CASC3: variants seen among roughly 807,000 people sequenced by gnomAD.
The protein encoded by CASC3 is protein CASC3.
A neutral mutation model predicts 80.5 loss-of-function variants in CASC3; 30 were observed. That is an observed-to-expected ratio of 0.37 (90% CI 0.28 to 0.51). The LOEUF is 0.51. Ranked by LOEUF, CASC3 falls within the 20% of genes least tolerant of loss-of-function variation. The probability of loss-of-function intolerance (pLI) is 0.94; values close to 1 mark genes in which losing one functional copy is unlikely to be tolerated. For missense variants in CASC3, 824 were observed against 922.2 expected, an observed-to-expected ratio of 0.89 and a Z score of 1.38; for synonymous variants, 312 against 333.6, an observed-to-expected ratio of 0.94 and a Z score of 0.70.
intron 8 of CASC3, chr17:40,167,196 T>A (rs747981865): frequency 9.8e-6 from 5 of 508,300 alleles, no homozygotes; most frequent in Non-Finnish European, 1.7e-5. Flanking sequence ...CCTGACCTCA[T>A]GATCCACCCA....
At position 40,171,603 on chromosome 17, in the gene CASC3, T is replaced by C. The variant is rs921217963; in HGVS notation, c.*1198T>C. The C allele has an allele frequency of 2.0e-6, 2 of 992,078 alleles. No homozygotes were observed. Among genetic ancestry groups the C allele is most frequent in the Non-Finnish European group, 2.4e-6 (2 of 833,626 alleles). 61.5% of individuals were successfully genotyped at this position (992,078 alleles called of 1,614,324 possible). On this transcript the variant is annotated 3_prime_UTR_variant, in exon 14 of 14. Coordinates refer to ENST00000264645, the MANE Select transcript of CASC3 (RefSeq NM_007359.5). The stretch of plus-strand genomic sequence containing the variant: ...TGGGCTTAAGGCCTAAGGAAGCCAG[T>C]CACCTTCTGGGCAAGGGCTCCTATC...
In CASC3 at chr17:40,140,602, T is replaced by C; in HGVS notation, c.54T>C (p.Ser18=). 1 of 1,610,768 alleles carries C rather than the reference T, an allele frequency of 6.2e-7. No individual in the cohort carries two copies. Among genetic ancestry groups the C allele is most frequent in the South Asian group, 1.1e-5 (1 of 91,034 alleles). ...RASQDTEDEE[S]GASGSDSGGS... ...CGCAAGACACCGAGGACGAGGAATC[T>C]GGTGCTTCGGGCTCCGACAGCGGCG... Residue 18 remains serine (S), a synonymous_variant, in exon 1 of 14, where the codon TCT becomes TCC. Transcript: ENST00000264645.
rs769915826 is a variant in CASC3, at chr17:40,167,586, T to A, written c.1625T>A (p.Ile542Asn). ...EPPAPPVHISIMEGHYYDPLQ... is the reference protein window; with the variant it reads ...EPPAPPVHISNMEGHYYDPLQ... ...CCCGCCCCTCCAGTGCATATCAGTA[T>A]CATGGAGGGACATTACTATGATCCA... Residue 542 changes from isoleucine to asparagine, a missense_variant, in exon 9 of 14, where the codon ATC (isoleucine) becomes AAC (asparagine). By Grantham distance (149) the Ile-to-Asn change is moderately radical (BLOSUM62 -3). Coordinates refer to ENST00000264645, the MANE Select transcript of CASC3 (RefSeq NM_007359.5). 3.1e-6 allele frequency: 5 copies of A among 1,613,420 alleles called. No homozygotes were observed. Among genetic ancestry groups the A allele is most frequent in the Non-Finnish European group, 4.2e-6 (5 of 1,179,390 alleles).
At chr17:40,146,423 G>A (rs1384053962) in intron 3 of CASC3, among the ~76,000 whole-genome samples, 1 of 150,476 alleles carries the variant, frequency 6.6e-6, no homozygotes, top group South Asian at 2.1e-4. Context: ...ATCTCGAGAA[G>A]TACGATTTCT....
chr17:40,150,240 A>T (rs1287883066), intron 3 of CASC3, among the ~76,000 whole-genome samples: 1 of 151,994 alleles, frequency 6.6e-6, no homozygotes, highest in Admixed American at 6.6e-5. Context: ...TGGCGCAGTG[A>T]TGTGTGCTTA....
At chr17:40,150,739 C>T (rs184751823) in intron 3 of CASC3, among the ~76,000 whole-genome samples, 10 of 151,024 alleles carry the variant, frequency 6.6e-5, no homozygotes, top group African/African-American at 1.7e-4. Flanking sequence ...TGTGGCAAGG[C>T]GCCGAGGCTC....
Position 40,170,705 on chromosome 17 carries a change from A to G in CASC3, c.*300A>G, listed in dbSNP as rs950341037. 20 of 985,538 alleles carry G rather than the reference A, an allele frequency of 2.0e-5. No individual in the cohort carries two copies. Among genetic ancestry groups the G allele is most frequent in the Non-Finnish European group, 2.4e-5 (20 of 829,912 alleles). 61.0% of individuals were successfully genotyped at this position (985,538 alleles called of 1,614,324 possible). A position where few individuals can be genotyped will look rare whatever the true frequency, so the allele number is the denominator to read the frequency against. On this transcript the variant is annotated 3_prime_UTR_variant, in exon 14 of 14. Transcript: ENST00000264645. ...CTTCTGAGTCTAGATACAGAAGCCC[A>G]TGTCTTCTGCTGTTCTTCACTTCTG...
chr17:40,166,158 C>T (rs968190408), intron 7 of CASC3, among the ~76,000 whole-genome samples: 3 of 152,158 alleles, frequency 2.0e-5, no homozygotes, highest in African/African-American at 7.2e-5. Flanking sequence ...GTAAGACCTA[C>T]CTATTACCCA....
At chr17:40,162,186 A>G (rs1489615963) in intron 5 of CASC3, 33 bp downstream of exon 5, 2 of 1,600,546 alleles carry the variant, frequency 1.2e-6, no homozygotes, top group East Asian at 2.2e-5. Flanking sequence ...GCTGTCTAAC[A>G]TGTATTTTAC....
chr17:40,154,762 A>G (rs1365965926), intron 3 of CASC3, among the ~76,000 whole-genome samples: 9 of 152,176 alleles, frequency 5.9e-5, no homozygotes, highest in African/African-American at 2.2e-4. Context: ...GTCATTTGCC[A>G]AACTGAGAGT....
chr17:40,147,840 C>T (rs537777500), intron 3 of CASC3, among the ~76,000 whole-genome samples: 1 of 152,230 alleles, frequency 6.6e-6, no homozygotes, highest in Admixed American at 6.5e-5. Context: ...TTCCTAATTG[C>T]TCATACCTTT....
chr17:40,140,903 A>T lies in CASC3; in HGVS notation c.231+124A>T, dbSNP rs1004335609. 1.7e-5 allele frequency: 13 copies of T among 757,810 alleles called. No individual in the cohort carries two copies. In the African/African-American group the frequency reaches 2.0e-4, roughly 11 times the overall value. 46.9% of individuals were successfully genotyped at this position (757,810 alleles called of 1,614,324 possible). On this transcript the variant is annotated intron_variant, in intron 1 of 13. Transcript: ENST00000264645. ...ACTGGGACTTTTTTTTGTTTTTGAG[A>T]GAAAAGGGGAGTTATCCCAATGCGA...
chr17:40,148,176 G>A (rs755888321), intron 3 of CASC3, among the ~76,000 whole-genome samples: 1 of 152,106 alleles, frequency 6.6e-6, no homozygotes, highest in Non-Finnish European at 1.5e-5. Context: ...GTGGTGGTGA[G>A]AAATATGGTG....
In CASC3 at chr17:40,154,104, C is replaced by T. The variant is rs1246366668; in HGVS notation, c.298-7649C>T. Among the ~76,000 whole-genome samples, 44 of 98,964 alleles carry T rather than the reference C, an allele frequency of 4.4e-4. 1 individual carries two copies. Among genetic ancestry groups the T allele is most frequent in the African/African-American group, 1.4e-3 (31 of 21,916 alleles). The allele number at this position is 98,964 out of a possible 152,430, so 64.9% of individuals were successfully genotyped here. On this transcript the variant is annotated intron_variant, in intron 3 of 13. Coordinates refer to ENST00000264645, the MANE Select transcript of CASC3 (RefSeq NM_007359.5). Reference sequence around the variant, plus strand: ...TTCCCTGATGACTAATGATGCTGAGCGTTTTTTTTTTTTTTTTTTTTTGGT... The same window carrying T: ...TTCCCTGATGACTAATGATGCTGAGTGTTTTTTTTTTTTTTTTTTTTTGGT...
chr17:40,165,124 C>T (rs540666617), intron 7 of CASC3, among the ~76,000 whole-genome samples: 47 of 151,834 alleles, frequency 3.1e-4, no homozygotes, highest in African/African-American at 5.8e-4. Flanking sequence ...ACGGTTTCAC[C>T]GTGTTAGCCA....
chr17:40,158,098 A>G (rs1989197948), intron 3 of CASC3, among the ~76,000 whole-genome samples: 1 of 152,108 alleles, frequency 6.6e-6, no homozygotes, highest in Non-Finnish European at 1.5e-5. Context: ...AGTAGTTCAA[A>G]CCCCTTGTTC....
chr17:40,168,300 G>T lies in CASC3; in HGVS notation c.1848G>T (p.Leu616Phe), dbSNP rs955013593. The change falls in exon 11 of 14, where the codon TTG becomes TTT. Residue 616 changes from leucine to phenylalanine, a missense_variant. Leu to Phe is a conservative substitution (Grantham distance 22). Transcript: ENST00000264645. ...CAGGACAGCCACCACCTCAGCAGTT[G>T]CTTGCTCCTACTTACTTTTCTGCTC... ...MSPGQPPPQQ[L>F]LAPTYFSAPG... 1 of 1,614,072 alleles carries T rather than the reference G, an allele frequency of 6.2e-7. No homozygotes were observed. The highest frequency in any genetic ancestry group is 8.5e-7 in the Non-Finnish European group (1 of 1,180,028).
At chr17:40,159,072 CA>C (rs1424045332) in intron 3 of CASC3, among the ~76,000 whole-genome samples, 1 of 151,960 alleles carries the variant, frequency 6.6e-6, no homozygotes. Context: ...TCTGTCTCTA[CA>C]AAAAATACAA....
At chr17:40,157,405 G>T (rs917737644) in intron 3 of CASC3, among the ~76,000 whole-genome samples, 1 of 151,902 alleles carries the variant, frequency 6.6e-6, no homozygotes, top group Non-Finnish European at 1.5e-5. Context: ...GCTGGGCGTG[G>T]TGCCTCATGC....
Sources: gnomAD v4.1 joint callset for allele counts (sites outside exome capture counted in the v4.1 genomes callset) on GRCh38, gnomAD v4.1.1 for gene constraint, MANE v1.5 for transcripts, NCBI Gene and HGNC (gene_info 2026-07-23, HGNC 2026-07-21) for gene names.